MDM4: variants seen among roughly 807,000 people sequenced by gnomAD.
The protein encoded by MDM4 is MDM4 regulator of p53, also known as protein Mdm4.
A neutral mutation model predicts 60.2 loss-of-function variants in MDM4; 2 were observed. That is an observed-to-expected ratio of 0.03 (90% CI 0.01 to 0.10). The LOEUF (loss-of-function observed/expected upper bound fraction) is 0.10, where lower values mean the gene tolerates loss of function less well. MDM4 is among the 10% of genes least tolerant of loss of function. The pLI, the probability that MDM4 is intolerant of heterozygous loss-of-function variation, is 1.00. For missense variants in MDM4, 447 were observed against 577.5 expected (o/e 0.77, Z 2.32); for synonymous variants, 202 against 198.1 (o/e 1.02, Z -0.17).
chr1:204,524,766 C>A (rs1018726461), intron 1 of MDM4, among the ~76,000 whole-genome samples: 2 of 152,230 alleles, frequency 1.3e-5, no homozygotes, highest in Non-Finnish European at 2.9e-5. Context: ...GACAGCGAGA[C>A]TGTGTCTCAA....
In MDM4 at chr1:204,528,808, G is replaced by A. The variant is rs143640168; in HGVS notation, c.154-1876G>A. 4.1e-5 allele frequency: 54 copies of A among 1,327,892 alleles called. No homozygotes were observed. In the East Asian group the frequency reaches 1.2e-3, roughly 30 times the overall value. The allele number at this position is 1,327,892 out of a possible 1,614,324, so 82.3% of individuals were successfully genotyped here. A position where few individuals can be genotyped will look rare whatever the true frequency, so the allele number is the denominator to read the frequency against. On this transcript the variant is annotated intron_variant, in intron 3 of 10. Transcript: ENST00000367182. ...CTGTCACTCTAGGAAGCCAGGAAAG[G>A]TCCCTGGTGCACTCCACTCTCCACA...
At chr1:204,534,459 T>G (rs1661184486) in intron 5 of MDM4, among the ~76,000 whole-genome samples, 1 of 152,208 alleles carries the variant, frequency 6.6e-6, no homozygotes, top group African/African-American at 2.4e-5. Flanking sequence ...TCTGCAGAAT[T>G]TAACATGCCA....
Position 204,554,347 on chromosome 1 carries a change from G to T in MDM4, c.*4665G>T, listed in dbSNP as rs1422158137. The stretch of plus-strand genomic sequence containing the variant: ...GTCAGTTATCTGCTTAAATTGTTCA[G>T]AACTATATCCTAACGAGCAATTAGT... On this transcript the variant is annotated 3_prime_UTR_variant, in exon 11 of 11. Coordinates refer to ENST00000367182, the MANE Select transcript of MDM4 (RefSeq NM_002393.5). The T allele has an allele frequency of 4.4e-6, 1 of 225,684 alleles. No individual in the cohort carries two copies. The highest frequency in any genetic ancestry group is 5.7e-5 in the Admixed American group (1 of 17,522). 14.0% of individuals were successfully genotyped at this position (225,684 alleles called of 1,614,324 possible).
rs543481344 is a variant in MDM4 at position 204,527,584 on chromosome 1, G to A, written c.153+1150G>A. Among the ~76,000 whole-genome samples, 35 of 151,330 alleles carry A rather than the reference G, an allele frequency of 2.3e-4. 1 individual carries two copies. The South Asian group carries it at 3.3e-3, about 14-fold the overall frequency. On this transcript the variant is annotated intron_variant, in intron 3 of 10. Coordinates refer to ENST00000367182, the MANE Select transcript of MDM4 (RefSeq NM_002393.5). ...CTTGAACCTGGGAGGCGGAGGTTGC[G>A]GTGAGCCAAGATTGTGCCATTGAAC...
intron 1 of MDM4, among the ~76,000 whole-genome samples, chr1:204,519,330 C>T (rs1029270048): frequency 3.9e-5 from 6 of 151,990 alleles, no homozygotes; most frequent in South Asian, 4.1e-4. Flanking sequence ...AAAGAAACCG[C>T]GTCTCTACTA....
intron 1 of MDM4, among the ~76,000 whole-genome samples, chr1:204,517,074 C>T (rs1358122985): frequency 6.6e-6 from 1 of 151,974 alleles, no homozygotes; most frequent in Non-Finnish European, 1.5e-5. Flanking sequence ...AACCCCGTCT[C>T]TAGTAAAAAT....
rs4252681 is a variant in MDM4 at position 204,526,718 on chromosome 1, C to A, written c.153+284C>A. On this transcript the variant is annotated intron_variant, in intron 3 of 10. Transcript: ENST00000367182. ...GACCTCATGATCCATCCGCCTTGGCCTCCCAAAGTGCTGGGATTACAGGCA... is the reference window on the plus strand; with the variant it reads ...GACCTCATGATCCATCCGCCTTGGCATCCCAAAGTGCTGGGATTACAGGCA... Among the ~76,000 whole-genome samples the A allele has an allele frequency of 9.3e-3, 1,412 of 152,238 alleles. 23 individuals carry two copies. Among genetic ancestry groups the A allele is most frequent in the African/African-American group, 0.032 (1,325 of 41,548 alleles).
intron 5 of MDM4, chr1:204,536,855 A>T: frequency 6.9e-6 from 2 of 289,390 alleles, no homozygotes; most frequent in Admixed American, 5.3e-5. Context: ...AATGAAAAAA[A>T]TTAATTTATA....
intron 1 of MDM4, among the ~76,000 whole-genome samples, chr1:204,519,942 GAA>G (rs1048547912): frequency 1.9e-4 from 29 of 152,148 alleles, no homozygotes; most frequent in African/African-American, 2.2e-4. Context: ...CTAGAACAAA[GAA>G]AGAGAAAAAT....
intron 5 of MDM4, among the ~76,000 whole-genome samples, chr1:204,534,221 G>C (rs1661161370): frequency 6.6e-6 from 1 of 152,208 alleles, no homozygotes; most frequent in South Asian, 2.1e-4. Flanking sequence ...ACTTCACATA[G>C]CTGTAAATTT....
chr1:204,520,957 AAG>A (rs1462504180), intron 1 of MDM4, among the ~76,000 whole-genome samples: 1 of 152,326 alleles, frequency 6.6e-6, no homozygotes, highest in African/African-American at 2.4e-5. Flanking sequence ...TCTTGAATAA[AAG>A]AGTTATGATT....
At chr1:204,530,281 A>G (rs190862489) in intron 3 of MDM4, among the ~76,000 whole-genome samples, 7 of 152,372 alleles carry the variant, frequency 4.6e-5, no homozygotes, top group African/African-American at 1.2e-4. Context: ...TTATTATGTG[A>G]ACACATATCA....
At chr1:204,526,963 A>G (rs1558314407) in intron 3 of MDM4, among the ~76,000 whole-genome samples, 3 of 152,126 alleles carry the variant, frequency 2.0e-5, no homozygotes, top group South Asian at 2.1e-4. Flanking sequence ...CCATGAATTC[A>G]TTGATCGTAG....
At chr1:204,529,604 G>C (rs1055637379) in intron 3 of MDM4, 74 of 1,217,370 alleles carry the variant, frequency 6.1e-5, no homozygotes, top group African/African-American at 4.6e-4. Flanking sequence ...CTCCACTACT[G>C]GGGGGGGTCC....
chr1:204,543,770 A>T (rs895193880), intron 8 of MDM4, among the ~76,000 whole-genome samples: 7 of 152,086 alleles, frequency 4.6e-5, no homozygotes, highest in Admixed American at 6.6e-5. Flanking sequence ...CTTTTATCCT[A>T]TTTTATTCTC....
Position 204,544,775 on chromosome 1 carries a change from T to A in MDM4, c.822+91T>A, listed in dbSNP as rs1395225790. The A allele has an allele frequency of 3.5e-6, 4 of 1,154,792 alleles. No individual in the cohort carries two copies. In the East Asian group the frequency reaches 1.0e-4, roughly 29 times the overall value. 71.5% of individuals were successfully genotyped at this position (1,154,792 alleles called of 1,614,324 possible). ...CTTTGTATCTGTTTTTACAACAGATTGCTCACATAATCCCCTTTTTAACTT... is the reference window on the plus strand; with the variant it reads ...CTTTGTATCTGTTTTTACAACAGATAGCTCACATAATCCCCTTTTTAACTT... On this transcript the variant is annotated intron_variant, in intron 9 of 10. Coordinates refer to ENST00000367182, the MANE Select transcript of MDM4 (RefSeq NM_002393.5).
In MDM4 at chr1:204,558,021, C is replaced by G. The variant is rs1305927594; in HGVS notation, c.*8339C>G. Reference sequence around the variant, plus strand: ...TGCCTAGTTTTCCTTATAAGCACCACTAAGTTAATAGCTCTGTCTTTTTGG... The same window carrying G: ...TGCCTAGTTTTCCTTATAAGCACCAGTAAGTTAATAGCTCTGTCTTTTTGG... On this transcript the variant is annotated 3_prime_UTR_variant, in exon 11 of 11. Coordinates refer to ENST00000367182, the MANE Select transcript of MDM4 (RefSeq NM_002393.5). The G allele has an allele frequency of 5.4e-6, 1 of 185,976 alleles. No individual in the cohort carries two copies. Among genetic ancestry groups the G allele is most frequent in the Non-Finnish European group, 1.1e-5 (1 of 88,168 alleles). 11.5% of individuals were successfully genotyped at this position (185,976 alleles called of 1,614,324 possible). A position where few individuals can be genotyped will look rare whatever the true frequency, so the allele number is the denominator to read the frequency against.
chr1:204,542,600 A>G (rs1395859185), intron 7 of MDM4, among the ~76,000 whole-genome samples, 184 bp from the exon 8 acceptor site: 1 of 152,192 alleles, frequency 6.6e-6, no homozygotes, highest in African/African-American at 2.4e-5. Context: ...TTGCTAATGA[A>G]GTCTAAACAA....
In MDM4 at chr1:204,556,488, G is replaced by A. The variant is rs1028548843; in HGVS notation, c.*6806G>A. Reference sequence around the variant, plus strand: ...AAAGTGGGCAGATTGCTTGCGCTCTGGAGCTCGAGACCAGCCTGGGCAACA... The same window carrying A: ...AAAGTGGGCAGATTGCTTGCGCTCTAGAGCTCGAGACCAGCCTGGGCAACA... On this transcript the variant is annotated 3_prime_UTR_variant, in exon 11 of 11. Transcript: ENST00000367182. 1.8e-5 allele frequency: 4 copies of A among 219,882 alleles called. No homozygotes were observed. Among genetic ancestry groups the A allele is most frequent in the Non-Finnish European group, 3.6e-5 (4 of 109,666 alleles). The allele number at this position is 219,882 out of a possible 1,614,324, so 13.6% of individuals were successfully genotyped here.
Sources: allele counts gnomAD v4.1 joint callset (sites outside exome capture counted in the v4.1 genomes callset), GRCh38; gene constraint gnomAD v4.1.1; transcripts MANE v1.5; gene names NCBI Gene and HGNC (gene_info 2026-07-23, HGNC 2026-07-21).